The following PTPRD variants were observed in gnomAD, a reference collection of about 807,000 sequenced individuals.
PTPRD encodes protein tyrosine phosphatase receptor type D, also known as receptor-type tyrosine-protein phosphatase delta.
PTPRD carries 34 observed loss-of-function variants against 214.5 expected under a neutral mutation model. That is an observed-to-expected ratio of 0.16 (90% CI 0.12 to 0.21). PTPRD has a LOEUF of 0.21. PTPRD is among the 10% of genes least tolerant of loss of function. PTPRD has a pLI of 1.00. For synonymous variants in PTPRD, 1,128 were observed against 845.7 expected, an observed-to-expected ratio of 1.33 and a Z score of -5.79; for missense variants, 2,545 against 2,398.7, an observed-to-expected ratio of 1.06 and a Z score of -1.27.
At chr9:9,490,573 A>T (rs1349337781) in intron 8 of PTPRD, among the ~76,000 whole-genome samples, 1 of 152,076 alleles carries the variant, frequency 6.6e-6, no homozygotes, top group Admixed American at 6.6e-5. Context: ...AAATTTTGTT[A>T]TATCAACAAC....
chr9:10,597,738 C>T (rs1712729366), intron 2 of PTPRD, among the ~76,000 whole-genome samples: 1 of 151,782 alleles, frequency 6.6e-6, no homozygotes. Flanking sequence ...TAAAGCTACA[C>T]TTCAGAATTA....
At chr9:10,574,057 A>G (rs2068341706) in intron 2 of PTPRD, among the ~76,000 whole-genome samples, 1 of 152,044 alleles carries the variant, frequency 6.6e-6, no homozygotes, top group Admixed American at 6.6e-5. Context: ...CAGTAACCTG[A>G]GGTATATAAT....
intron 6 of PTPRD, among the ~76,000 whole-genome samples, chr9:9,763,495 T>C (rs1464908263): frequency 1.3e-5 from 2 of 152,198 alleles, no homozygotes; most frequent in Admixed American, 1.3e-4. Flanking sequence ...ATTATAATTT[T>C]AGTAACAGTA....
At chr9:8,908,000 A>G (rs1184936475) in intron 11 of PTPRD, among the ~76,000 whole-genome samples, 1 of 152,186 alleles carries the variant, frequency 6.6e-6, no homozygotes, top group Non-Finnish European at 1.5e-5. Flanking sequence ...TAGAAACAGT[A>G]TGGTCACACA....
intron 14 of PTPRD, among the ~76,000 whole-genome samples, chr9:8,548,441 C>G (rs575421147): frequency 6.6e-6 from 1 of 152,052 alleles, no homozygotes. Context: ...AATCTCATCT[C>G]ACTGCAACCT....
At chr9:8,516,083 A>G (rs1425450501) in intron 21 of PTPRD, among the ~76,000 whole-genome samples, 1 of 152,216 alleles carries the variant, frequency 6.6e-6, no homozygotes, top group Admixed American at 6.5e-5. Flanking sequence ...AAGTTCCCAT[A>G]TAATTTCTTA....
chr9:9,264,021 G>A (rs1937712540), intron 9 of PTPRD, among the ~76,000 whole-genome samples: 1 of 151,628 alleles, frequency 6.6e-6, no homozygotes, highest in South Asian at 2.1e-4. Context: ...TAACCAGTTT[G>A]TTTGGTGAAG....
At chr9:9,671,891 T>C (rs1201123437) in intron 7 of PTPRD, among the ~76,000 whole-genome samples, 1 of 152,172 alleles carries the variant, frequency 6.6e-6, no homozygotes, top group Non-Finnish European at 1.5e-5. Context: ...GGGGAAGACT[T>C]ACATTTGCCA....
intron 8 of PTPRD, among the ~76,000 whole-genome samples, chr9:9,490,478 C>T (rs2095849648): frequency 6.6e-6 from 1 of 152,030 alleles, no homozygotes; most frequent in Admixed American, 6.6e-5. Context: ...TGGTTTGTAA[C>T]TCCACATTTT....
intron 3 of PTPRD, among the ~76,000 whole-genome samples, chr9:10,227,687 A>T (rs769585306): frequency 2.4e-4 from 36 of 152,004 alleles, no homozygotes; most frequent in Admixed American, 5.9e-4. Flanking sequence ...CGACTTCAGG[A>T]AAAACAGAGA....
chr9:9,720,249 T>G (rs2097912497), intron 7 of PTPRD, among the ~76,000 whole-genome samples: 1 of 152,130 alleles, frequency 6.6e-6, no homozygotes, highest in South Asian at 2.1e-4. Flanking sequence ...TGGAAATAAT[T>G]TACACTTATA....
chr9:9,252,185 T>G (rs1443087975), intron 9 of PTPRD, among the ~76,000 whole-genome samples: 1 of 152,078 alleles, frequency 6.6e-6, no homozygotes, highest in African/African-American at 2.4e-5. Flanking sequence ...GAGCTGATTA[T>G]TTTGGGAAAC....
At chr9:8,579,906 C>G (rs7043200) in intron 14 of PTPRD, among the ~76,000 whole-genome samples, 60,397 of 151,954 alleles carry the variant, frequency 0.4, 12,232 homozygotes, top group African/African-American at 0.49. Context: ...CTAAACAGTT[C>G]CCTCTTTTTG....
At chr9:9,841,386 T>C (rs1054099977) in intron 5 of PTPRD, among the ~76,000 whole-genome samples, 7 of 152,150 alleles carry the variant, frequency 4.6e-5, no homozygotes, top group African/African-American at 1.7e-4. Flanking sequence ...CTAAGTCTTC[T>C]GTTCCTGATG....
chr9:9,196,495 T>C (rs2099938723), intron 9 of PTPRD, among the ~76,000 whole-genome samples: 1 of 152,194 alleles, frequency 6.6e-6, no homozygotes. Flanking sequence ...AAGGAATGAT[T>C]CAATAATTTT....
rs1329750560 is a variant in PTPRD at position 8,500,867 on chromosome 9, T to C, written c.2015A>G (p.Tyr672Cys). The C allele has an allele frequency of 1.2e-6, 2 of 1,614,118 alleles. No individual in the cohort carries two copies. The highest frequency in any genetic ancestry group is 1.7e-5 in the Admixed American group (1 of 60,018). Residue 672 changes from tyrosine (Y) to cysteine (C), a missense_variant, in exon 24 of 46, where the codon TAC becomes TGC. Transcript: ENST00000381196. ...CCATTTTTCCAGCTGTTCCAAAAGG[T>C]ATTTGGTAGTGTCCGAAGGAATTCC... is the stretch of plus-strand genomic sequence containing the variant. ...ILGIPSDTTK[Y>C]LLEQLEKWTE...
chr9:10,569,765 A>T (rs1330026323), intron 2 of PTPRD, among the ~76,000 whole-genome samples: 1 of 152,136 alleles, frequency 6.6e-6, no homozygotes, highest in Admixed American at 6.6e-5. Context: ...ACCACAATTC[A>T]ATAGGTAAAT....
At chr9:8,851,486 A>G (rs1439075136) in intron 11 of PTPRD, among the ~76,000 whole-genome samples, 1 of 152,206 alleles carries the variant, frequency 6.6e-6, no homozygotes, top group Admixed American at 6.5e-5. Context: ...TACACTAATT[A>G]TAGCAGTACA....
At chr9:9,497,325 G>C (rs1229440519) in intron 8 of PTPRD, among the ~76,000 whole-genome samples, 1 of 152,082 alleles carries the variant, frequency 6.6e-6, no homozygotes, top group Non-Finnish European at 1.5e-5. Context: ...TAACTATCTG[G>C]TCACTACAGT....
Sources: gnomAD v4.1 joint callset for allele counts (sites outside exome capture counted in the v4.1 genomes callset) on GRCh38, gnomAD v4.1.1 for gene constraint, MANE v1.5 for transcripts, NCBI Gene and HGNC (gene_info 2026-07-23, HGNC 2026-07-21) for gene names.